C1orf115: variants seen among roughly 807,000 people sequenced by gnomAD.
C1orf115 encodes the protein required for drug-induced death protein 1.
Under a neutral mutation model 12.5 loss-of-function variants are expected in C1orf115, and 14 were observed. The ratio of observed to expected loss-of-function variants is 1.12; its 90% CI spans 0.74 to 1.75. The LOEUF (loss-of-function observed/expected upper bound fraction) is 1.75. C1orf115 is among the 40% of genes most tolerant of loss of function. C1orf115 has a pLI of 0.00. For missense variants in C1orf115, 237 were observed against 220.8 expected (o/e 1.07, Z -0.46); for synonymous variants, 109 against 104.6 (o/e 1.04, Z -0.26).
At chr1:220,696,586 CT>C (rs1300127654) in intron 1 of C1orf115, 25 bp from the exon 2 acceptor site, 2 of 1,555,688 alleles carry the variant, frequency 1.3e-6, no homozygotes. Flanking sequence ...TAATCCTTTG[CT>C]TTTCTCTTTT....
At position 220,690,585 on chromosome 1, in the gene C1orf115, G is replaced by A. The variant is rs1224660214; in HGVS notation, c.183G>A (p.Pro61=). The A allele has an allele frequency of 3.3e-6, 5 of 1,507,968 alleles. No individual in the cohort carries two copies. In the African/African-American group the frequency reaches 5.8e-5, roughly 18 times the overall value. 93.4% of individuals were successfully genotyped at this position (1,507,968 alleles called of 1,614,324 possible). ...SGTSAADERG[P]GTRGARRVHF... is the part of the protein sequence containing the mutation. Reference sequence around the variant, plus strand: ...CGAGCGCGGCGGACGAGCGGGGCCCGGGGACCCGGGGCGCGCGGAGGGTGC... The same window carrying A: ...CGAGCGCGGCGGACGAGCGGGGCCCAGGGACCCGGGGCGCGCGGAGGGTGC... The change falls in exon 1 of 2, where the codon CCG becomes CCA. Residue 61 remains proline (P), a synonymous_variant. Transcript: ENST00000294889.
In C1orf115 at chr1:220,696,647, C is replaced by A; in HGVS notation, c.345C>A (p.Tyr115Ter). The A allele has an allele frequency of 6.2e-7, 1 of 1,600,170 alleles. No individual in the cohort carries two copies. The highest frequency in any genetic ancestry group is 8.6e-7 in the Non-Finnish European group (1 of 1,168,436). ...AGGTCATCATCAAAGGATGCCGCTA[C>A]GTGGTCATCGGCCTGCAAGGCTTCG... is the stretch of plus-strand genomic sequence containing the variant. ...VGKVIIKGCR[Y>*]VVIGLQGFAA... Residue 115 changes from tyrosine (Y) to a stop codon, truncating the protein, a stop_gained, in exon 2 of 2, where the codon TAC becomes TAA. Transcript: ENST00000294889. LOFTEE classifies it high-confidence loss of function.
chr1:220,695,487 T>G (rs1388699632), intron 1 of C1orf115, among the ~76,000 whole-genome samples: 3 of 144,522 alleles, frequency 2.1e-5, no homozygotes, highest in African/African-American at 5.1e-5. Flanking sequence ...TCCCTGACGA[T>G]GTCTGGGTTT....
Position 220,699,044 on chromosome 1 carries a change from C to T in C1orf115, c.*2313C>T, listed in dbSNP as rs1186072630. ...CTTTTTTTCAATATCAGTGCCCACA[C>T]CTTACTGAGTATTGAGTTTTAGAGC... On this transcript the variant is annotated 3_prime_UTR_variant, in exon 2 of 2. Coordinates refer to ENST00000294889, the MANE Select transcript of C1orf115 (RefSeq NM_024709.5). 3 of 152,072 alleles carry T rather than the reference C, an allele frequency of 2.0e-5. No individual in the cohort carries two copies. Among genetic ancestry groups the T allele is most frequent in the African/African-American group, 7.2e-5 (3 of 41,386 alleles). 9.4% of individuals were successfully genotyped at this position (152,072 alleles called of 1,614,324 possible). A position where few individuals can be genotyped will look rare whatever the true frequency, so the allele number is the denominator to read the frequency against.
chr1:220,693,424 T>C (rs1451534065), intron 1 of C1orf115, among the ~76,000 whole-genome samples: 5 of 152,248 alleles, frequency 3.3e-5, no homozygotes, highest in Admixed American at 2.0e-4. Context: ...TGGATCACTC[T>C]TGATTGTTAA....
rs755646310 is a variant in C1orf115 at position 220,696,641 on chromosome 1, C to T, written c.339C>T (p.Cys113=). ...KNVGKVIIKG[C]RYVVIGLQGF... is the part of the protein sequence containing the mutation. ...TCGGGAAGGTCATCATCAAAGGATG[C>T]CGCTACGTGGTCATCGGCCTGCAAG... Residue 113 remains cysteine, a synonymous_variant, in exon 2 of 2, where the codon TGC becomes TGT. Coordinates refer to ENST00000294889, the MANE Select transcript of C1orf115 (RefSeq NM_024709.5). 6.3e-7 allele frequency: 1 copy of T among 1,595,262 alleles called. No homozygotes were observed. The highest frequency in any genetic ancestry group is 1.1e-5 in the South Asian group (1 of 90,240).
chr1:220,690,751 G>A (rs1428572195), intron 1 of C1orf115, 40 bp downstream of exon 1: 1 of 1,545,730 alleles, frequency 6.5e-7, no homozygotes, highest in African/African-American at 1.4e-5. Flanking sequence ...GGGCGCGGGT[G>A]TGGTGTCCCG....
At chr1:220,693,890 C>T (rs7541294) in intron 1 of C1orf115, among the ~76,000 whole-genome samples, 4,554 of 152,076 alleles carry the variant, frequency 0.03, 102 homozygotes, top group Middle Eastern at 0.051. Flanking sequence ...ACCAGACTGA[C>T]GAACATGGTG....
At chr1:220,691,793 G>T (rs568075310) in intron 1 of C1orf115, among the ~76,000 whole-genome samples, 2 of 152,324 alleles carry the variant, frequency 1.3e-5, no homozygotes, top group Non-Finnish European at 2.9e-5. Context: ...AGGACTTGAA[G>T]ATATTTTGGG....
rs418193 is a variant in C1orf115, at chr1:220,691,732, T to C, written c.309+1021T>C. 4.0e-3 allele frequency among the ~76,000 whole-genome samples: 614 copies of C among 152,356 alleles called. 5 individuals are homozygous for C. Among genetic ancestry groups the C allele is most frequent in the African/African-American group, 0.014 (578 of 41,586 alleles). On this transcript the variant is annotated intron_variant, in intron 1 of 1. Coordinates refer to ENST00000294889, the MANE Select transcript of C1orf115 (RefSeq NM_024709.5). ...CCAGTTGAGCACAAAGAAGCCATCA[T>C]GTCCCTCTCCATTGGTGAACTGATA...
intron 1 of C1orf115, among the ~76,000 whole-genome samples, chr1:220,692,327 C>T (rs1054327903): frequency 6.6e-6 from 1 of 152,052 alleles, no homozygotes; most frequent in Admixed American, 6.5e-5. Context: ...GTACTCAAAT[C>T]AATGTTTATA....
At chr1:220,691,514 T>C (rs1299382122) in intron 1 of C1orf115, among the ~76,000 whole-genome samples, 1 of 152,214 alleles carries the variant, frequency 6.6e-6, no homozygotes, top group African/African-American at 2.4e-5. Context: ...ATTTATTGTC[T>C]ATTTATCTGT....
At chr1:220,690,778 G>T (rs1182364231) in intron 1 of C1orf115, 67 bp downstream of exon 1, 5 of 1,512,208 alleles carry the variant, frequency 3.3e-6, no homozygotes, top group South Asian at 1.2e-5. Context: ...AGCGGGAGCC[G>T]GGTCCTTACC....
intron 1 of C1orf115, among the ~76,000 whole-genome samples, 189 bp downstream of exon 1, chr1:220,690,900 G>T (rs904894571): frequency 6.6e-6 from 1 of 152,108 alleles, no homozygotes; most frequent in African/African-American, 2.4e-5. Flanking sequence ...CTTAAATCGG[G>T]GGTTGCGCTG....
At chr1:220,694,260 G>T (rs1400520538) in intron 1 of C1orf115, among the ~76,000 whole-genome samples, 1 of 152,092 alleles carries the variant, frequency 6.6e-6, no homozygotes, top group Non-Finnish European at 1.5e-5. Flanking sequence ...GCTGACATTG[G>T]GGGGCACTTA....
rs1486473922 is a variant in C1orf115, at chr1:220,698,357, C to G, written c.*1626C>G. 1 of 152,238 alleles carries G rather than the reference C, an allele frequency of 6.6e-6. No homozygotes were observed. Among genetic ancestry groups the G allele is most frequent in the Non-Finnish European group, 1.5e-5 (1 of 68,058 alleles). 9.4% of individuals were successfully genotyped at this position (152,238 alleles called of 1,614,324 possible). On this transcript the variant is annotated 3_prime_UTR_variant, in exon 2 of 2. Coordinates refer to ENST00000294889, the MANE Select transcript of C1orf115 (RefSeq NM_024709.5). ...GTGGAGCTAGACTCTGCTTCACTTC[C>G]TGAAGCTTCAACTTCATGTCGAAGA...
intron 1 of C1orf115, 104 bp downstream of exon 1, chr1:220,690,815 G>A: frequency 7.4e-7 from 1 of 1,345,354 alleles, no homozygotes; most frequent in Non-Finnish European, 1.0e-6. Context: ...TCTCCGGGCT[G>A]CACCTGCGAC....
Position 220,697,448 on chromosome 1 carries a change from G to A in C1orf115, c.*717G>A, listed in dbSNP as rs1670212041. On this transcript the variant is annotated 3_prime_UTR_variant, in exon 2 of 2. Coordinates refer to ENST00000294889, the MANE Select transcript of C1orf115 (RefSeq NM_024709.5). The surrounding 1 kb of genome is among the most constrained non-coding windows in gnomAD (Gnocchi z 4.5). ...AGAAGGGCAAGTTCAGATGCAGGCT[G>A]GGTGGCTGGGACAGGTTGGCTAAGG... 6.6e-6 allele frequency: 1 copy of A among 152,532 alleles called. No homozygotes were observed. The highest frequency in any genetic ancestry group is 2.4e-5 in the African/African-American group (1 of 41,472). 9.4% of individuals were successfully genotyped at this position (152,532 alleles called of 1,614,324 possible).
chr1:220,691,869 C>T (rs1192639857), intron 1 of C1orf115, among the ~76,000 whole-genome samples: 1 of 152,202 alleles, frequency 6.6e-6, no homozygotes, highest in East Asian at 1.9e-4. Flanking sequence ...CAGTGCAGCC[C>T]TGCCCTAGAG....
Sources: allele counts gnomAD v4.1 joint callset (sites outside exome capture counted in the v4.1 genomes callset), GRCh38; gene constraint gnomAD v4.1.1; non-coding constraint Gnocchi (gnomAD v3.1); transcripts MANE v1.5; gene names NCBI Gene and HGNC (gene_info 2026-07-23, HGNC 2026-07-21).